SLC6A11: variants seen among roughly 807,000 people sequenced by gnomAD.
SLC6A11 encodes solute carrier family 6 member 11.
A neutral mutation model predicts 74.8 loss-of-function variants in SLC6A11; 25 were observed. The observed-to-expected ratio is 0.33, with a 90% CI of 0.24 to 0.47. The LOEUF (loss-of-function observed/expected upper bound fraction) is 0.47, where lower values mean the gene tolerates loss of function less well. Ranked by LOEUF, SLC6A11 falls within the 20% of genes least tolerant of loss-of-function variation. The pLI, the probability that SLC6A11 is intolerant of heterozygous loss-of-function variation, is 1.00. For missense variants in SLC6A11, 574 were observed against 837.0 expected (o/e 0.69, Z 3.88); for synonymous variants, 330 against 330.2 (o/e 1.00, Z 0.01).
At chr3:10,935,000 C>T in intron 12 of SLC6A11, 29 bp from the exon 13 acceptor site, 2 of 1,602,572 alleles carry the variant, frequency 1.2e-6, no homozygotes, top group Non-Finnish European at 1.7e-6. Context: ...GGGCCCATCC[C>T]CCAGGCACCT....
intron 6 of SLC6A11, among the ~76,000 whole-genome samples, chr3:10,891,899 A>T (rs1695111509): frequency 6.6e-6 from 1 of 152,312 alleles, no homozygotes; most frequent in South Asian, 2.1e-4. Context: ...TACTCTGTCC[A>T]CCTCAAATGG....
intron 9 of SLC6A11, among the ~76,000 whole-genome samples, chr3:10,928,579 T>A (rs1175529372): frequency 6.6e-6 from 1 of 152,104 alleles, no homozygotes; most frequent in Non-Finnish European, 1.5e-5. Context: ...GCTTAGTGGC[T>A]CAGACTCAGC....
At position 10,895,262 on chromosome 3, in the gene SLC6A11, A is replaced by G. The variant is rs113912060; in HGVS notation, c.892-16828A>G. Reference sequence around the variant, plus strand: ...GAGTGCATTTTATTGATTAAAAAAGAGAGTTGGTAATGCTACTTTTTGTAG... The same window carrying G: ...GAGTGCATTTTATTGATTAAAAAAGGGAGTTGGTAATGCTACTTTTTGTAG... On this transcript the variant is annotated intron_variant, in intron 6 of 13. Coordinates refer to ENST00000254488, the MANE Select transcript of SLC6A11 (RefSeq NM_014229.3). Among the ~76,000 whole-genome samples the G allele has an allele frequency of 4.1e-3, 622 of 152,334 alleles. 4 individuals carry two copies. Among genetic ancestry groups the G allele is most frequent in the African/African-American group, 0.014 (600 of 41,578 alleles).
intron 6 of SLC6A11, among the ~76,000 whole-genome samples, chr3:10,904,843 C>G (rs1485382237): frequency 6.6e-6 from 1 of 152,190 alleles, no homozygotes; most frequent in Non-Finnish European, 1.5e-5. Flanking sequence ...CCCGTATAAG[C>G]TGTTTGACTT....
At chr3:10,931,559 C>T (rs902483848) in intron 10 of SLC6A11, among the ~76,000 whole-genome samples, 8 of 152,124 alleles carry the variant, frequency 5.3e-5, no homozygotes, top group African/African-American at 1.7e-4. Context: ...CATTTTGTTT[C>T]ACCCTCACTG....
intron 5 of SLC6A11, among the ~76,000 whole-genome samples, chr3:10,872,142 G>C (rs1694835367): frequency 6.6e-6 from 1 of 152,218 alleles, no homozygotes; most frequent in Admixed American, 6.5e-5. Context: ...TAGGTAGCCT[G>C]GTGGTTGAAT....
chr3:10,885,251 C>T (rs1695029166), intron 6 of SLC6A11, among the ~76,000 whole-genome samples: 1 of 152,182 alleles, frequency 6.6e-6, no homozygotes, highest in Admixed American at 6.5e-5. Flanking sequence ...TACTAGATGA[C>T]CACCTTAACC....
rs138914537 is a variant in SLC6A11, at chr3:10,859,797, A to G, written c.757-15164A>G. Among the ~76,000 whole-genome samples, 75 of 152,354 alleles carry G rather than the reference A, an allele frequency of 4.9e-4. No homozygotes were observed. In the East Asian group the frequency reaches 5.4e-3, roughly 11 times the overall value. ...CATTATTTTATGTACCAGAAGGTAC[A>G]TAATGCTTTCAATTAAGAACATTTA... On this transcript the variant is annotated intron_variant, in intron 5 of 13. Coordinates refer to ENST00000254488, the MANE Select transcript of SLC6A11 (RefSeq NM_014229.3).
chr3:10,931,158 C>A (rs1341057905), intron 10 of SLC6A11, among the ~76,000 whole-genome samples: 1 of 152,178 alleles, frequency 6.6e-6, no homozygotes, highest in East Asian at 1.9e-4. Flanking sequence ...CAATCCTCAG[C>A]CCTTGACTAG....
intron 5 of SLC6A11, among the ~76,000 whole-genome samples, chr3:10,861,956 A>G (rs1694707611): frequency 6.6e-6 from 1 of 152,218 alleles, no homozygotes; most frequent in Admixed American, 6.5e-5. Flanking sequence ...TCTGCCTTTC[A>G]GAACAGGGGA....
In SLC6A11 at chr3:10,842,186, A is replaced by G. The variant is rs900166843; in HGVS notation, c.624-2028A>G. Among the ~76,000 whole-genome samples, 5 of 152,222 alleles carry G rather than the reference A, an allele frequency of 3.3e-5. No individual in the cohort carries two copies. In the South Asian group the frequency reaches 1.0e-3, roughly 32 times the overall value. On this transcript the variant is annotated intron_variant, in intron 4 of 13. Coordinates refer to ENST00000254488, the MANE Select transcript of SLC6A11 (RefSeq NM_014229.3). ...CCTTCGGTAACTTCTCAAGGGATCC[A>G]TGACTTCCTCCCTCAAACCCCTCTC...
intron 5 of SLC6A11, among the ~76,000 whole-genome samples, chr3:10,846,282 C>T (rs2880586): frequency 0.26 from 39,901 of 152,088 alleles, 5,420 homozygotes; most frequent in East Asian, 0.4. Context: ...CCAGACAATA[C>T]ATGAAAGTGC....
intron 6 of SLC6A11, among the ~76,000 whole-genome samples, chr3:10,901,109 C>T (rs538610813): frequency 6.6e-6 from 1 of 152,220 alleles, no homozygotes; most frequent in Non-Finnish European, 1.5e-5. Flanking sequence ...TTGGCCTAAA[C>T]TGTCTTTCCC....
intron 5 of SLC6A11, among the ~76,000 whole-genome samples, chr3:10,873,660 G>GTCCTA (rs1215304371): frequency 4.6e-4 from 36 of 78,190 alleles, no homozygotes; most frequent in African/African-American, 2.2e-3. Flanking sequence ...CATCTATCCC[G>GTCCTA]TCCTATCCTA....
intron 11 of SLC6A11, among the ~76,000 whole-genome samples, chr3:10,933,510 C>G (rs1443288527): frequency 1.3e-5 from 2 of 152,182 alleles, no homozygotes; most frequent in Admixed American, 1.3e-4. Flanking sequence ...CAGTTTTCCC[C>G]TTTGTAAAAT....
At chr3:10,894,235 C>T (rs541012481) in intron 6 of SLC6A11, among the ~76,000 whole-genome samples, 3 of 152,256 alleles carry the variant, frequency 2.0e-5, no homozygotes, top group African/African-American at 4.8e-5. Flanking sequence ...AGGGAACTGG[C>T]GCCGTTTAAA....
chr3:10,908,278 GA>G (rs1205339140), intron 6 of SLC6A11, among the ~76,000 whole-genome samples: 1 of 152,190 alleles, frequency 6.6e-6, no homozygotes, highest in Non-Finnish European at 1.5e-5. Context: ...GAAGCAAATG[GA>G]TATTTCTTCA....
chr3:10,916,175 A>G (rs996339061), intron 7 of SLC6A11, among the ~76,000 whole-genome samples: 1 of 152,232 alleles, frequency 6.6e-6, no homozygotes, highest in Non-Finnish European at 1.5e-5. Context: ...GATGTATCCC[A>G]ACCTTAGGAA....
intron 6 of SLC6A11, among the ~76,000 whole-genome samples, chr3:10,889,716 A>T (rs565938096): frequency 1.3e-5 from 2 of 152,202 alleles, no homozygotes; most frequent in Non-Finnish European, 2.9e-5. Flanking sequence ...GGTGGTTTTT[A>T]TACACATGAA....
Sources: allele counts gnomAD v4.1 joint callset (sites outside exome capture counted in the v4.1 genomes callset), GRCh38; gene constraint gnomAD v4.1.1; transcripts MANE v1.5; gene names NCBI Gene and HGNC (gene_info 2026-07-23, HGNC 2026-07-21).